The following CFAP299 variants were observed in gnomAD, a reference collection of about 807,000 sequenced individuals.
The protein encoded by CFAP299 is cilia and flagella associated protein 299, also known as cilia- and flagella-associated protein 299.
Under a neutral mutation model 27.0 loss-of-function variants are expected in CFAP299, and 21 were observed. The observed-to-expected ratio is 0.78, with a 90% CI of 0.55 to 1.12. CFAP299 has a LOEUF of 1.12. Ranked by LOEUF, CFAP299 falls within the 50% of genes most tolerant of loss-of-function variation. The pLI is 0.00. For synonymous variants in CFAP299, 104 were observed against 98.1 expected, an observed-to-expected ratio of 1.06 and a Z score of -0.36; for missense variants, 310 against 276.6, an observed-to-expected ratio of 1.12 and a Z score of -0.86.
Position 80,664,777 on chromosome 4 carries a change from G to GA in CFAP299, c.333+81602dup, listed in dbSNP as rs1306509158. Among the ~76,000 whole-genome samples, 8 of 151,950 alleles carry GA rather than the reference G, an allele frequency of 5.3e-5. No individual in the cohort carries two copies. The South Asian group carries it at 8.3e-4, about 16-fold the overall frequency. ...GGTGTTCTAGGCACCACTGGGGTAT[G>GA]AAAAAAAACTCCTGCAGCTAGCTCT... is the stretch of plus-strand genomic sequence containing the variant. On this transcript the variant is annotated intron_variant, in intron 3 of 5. Coordinates refer to ENST00000358105, the MANE Select transcript of CFAP299 (RefSeq NM_152770.3).
chr4:80,695,195 T>C (rs532918599), intron 3 of CFAP299, among the ~76,000 whole-genome samples: 1 of 152,344 alleles, frequency 6.6e-6, no homozygotes, highest in South Asian at 2.1e-4. Flanking sequence ...AAAGATTTGA[T>C]ACTTTGTTAA....
At chr4:80,646,988 A>T (rs10008935) in intron 3 of CFAP299, among the ~76,000 whole-genome samples, 9,987 of 30,994 alleles carry the variant, frequency 0.32, 632 homozygotes, top group African/African-American at 0.39. Context: ...AGAGAGAGAG[A>T]GTGTGTGTGT....
At chr4:80,921,685 GGTTAAATCTGTGT>G (rs1736053604) in intron 4 of CFAP299, among the ~76,000 whole-genome samples, 1 of 151,984 alleles carries the variant, frequency 6.6e-6, no homozygotes, top group Non-Finnish European at 1.5e-5. Flanking sequence ...GAGATAATCT[GGTTAAATCTGTGT>G]GTGCAAAACA....
chr4:80,958,982 C>A (rs533901656), intron 5 of CFAP299, among the ~76,000 whole-genome samples: 169 of 152,276 alleles, frequency 1.1e-3, no homozygotes, highest in African/African-American at 3.9e-3. Flanking sequence ...GACCTAAAAT[C>A]ACTGTTGTGG....
chr4:80,593,930 G>A (rs1334649804), intron 3 of CFAP299, among the ~76,000 whole-genome samples: 1 of 150,218 alleles, frequency 6.7e-6, no homozygotes, highest in African/African-American at 2.5e-5. Context: ...CTCCCTTTTA[G>A]TTTATTTTAA....
At chr4:80,899,654 A>G (rs990140301) in intron 4 of CFAP299, among the ~76,000 whole-genome samples, 1 of 152,176 alleles carries the variant, frequency 6.6e-6, no homozygotes, top group Admixed American at 6.5e-5. Flanking sequence ...CTAGGGAATA[A>G]AAGAGAATGT....
intron 3 of CFAP299, among the ~76,000 whole-genome samples, chr4:80,676,205 T>A (rs11728658): frequency 0.05 from 7,656 of 152,270 alleles, 671 homozygotes; most frequent in African/African-American, 0.17. Context: ...TAGCATCTAA[T>A]GAAATTATCA....
At chr4:80,694,337 A>C (rs1263007037) in intron 3 of CFAP299, among the ~76,000 whole-genome samples, 1 of 152,160 alleles carries the variant, frequency 6.6e-6, no homozygotes, top group Non-Finnish European at 1.5e-5. Context: ...ATGCCACCTG[A>C]CTGAGAGTGG....
chr4:80,612,242 C>A (rs533781148), intron 3 of CFAP299, among the ~76,000 whole-genome samples: 9 of 151,918 alleles, frequency 5.9e-5, no homozygotes, highest in Non-Finnish European at 1.2e-4. Context: ...TTTCTTATCT[C>A]CTTCCTCTTC....
At chr4:80,701,963 C>A (rs1304613823) in intron 3 of CFAP299, among the ~76,000 whole-genome samples, 7 of 151,896 alleles carry the variant, frequency 4.6e-5, no homozygotes, top group African/African-American at 1.7e-4. Context: ...AGGTTTTATT[C>A]CCCAGAGATT....
chr4:80,884,818 C>T (rs948000810), intron 4 of CFAP299, among the ~76,000 whole-genome samples: 1 of 152,232 alleles, frequency 6.6e-6, no homozygotes, highest in East Asian at 1.9e-4. Context: ...CCCCCATTCA[C>T]TGGAACACCA....
At chr4:80,659,467 C>T (rs1740724787) in intron 3 of CFAP299, among the ~76,000 whole-genome samples, 1 of 151,886 alleles carries the variant, frequency 6.6e-6, no homozygotes, top group Non-Finnish European at 1.5e-5. Flanking sequence ...AAGAATAACT[C>T]ACTTGAAATA....
Position 80,724,306 on chromosome 4 carries a change from T to C in CFAP299, c.333+141123T>C, listed in dbSNP as rs1578060837. ...CATGTGTCAGAAGCAAACTGGGCAA[T>C]TGGGATTTCTTCCAATTAACTTCCA... is the stretch of plus-strand genomic sequence containing the variant. On this transcript the variant is annotated intron_variant, in intron 3 of 5. Transcript: ENST00000358105. Among the ~76,000 whole-genome samples the C allele has an allele frequency of 9.9e-5, 15 of 152,252 alleles. 1 individual carries two copies. The South Asian group carries it at 3.1e-3, about 32-fold the overall frequency.
intron 3 of CFAP299, among the ~76,000 whole-genome samples, chr4:80,843,842 T>TG (rs1196949458): frequency 6.6e-6 from 1 of 152,140 alleles, no homozygotes; most frequent in Non-Finnish European, 1.5e-5. Flanking sequence ...ACATGTGCCA[T>TG]GTTGGTGCGC....
intron 3 of CFAP299, among the ~76,000 whole-genome samples, chr4:80,843,429 A>G (rs934280168): frequency 1.3e-5 from 2 of 152,110 alleles, no homozygotes; most frequent in Non-Finnish European, 2.9e-5. Context: ...TTAAGGCTGC[A>G]TAGTATTCCG....
At chr4:80,566,652 G>C (rs552889151) in intron 2 of CFAP299, among the ~76,000 whole-genome samples, 2 of 152,102 alleles carry the variant, frequency 1.3e-5, no homozygotes, top group Non-Finnish European at 2.9e-5. Context: ...GATGGAGAGG[G>C]ACCTGGAGGC....
At chr4:80,826,454 G>A (rs1377329814) in intron 3 of CFAP299, among the ~76,000 whole-genome samples, 1 of 151,488 alleles carries the variant, frequency 6.6e-6, no homozygotes, top group Non-Finnish European at 1.5e-5. Context: ...ATCAAAAAAG[G>A]TTATGAGGAA....
chr4:80,749,678 G>A (rs927867210), intron 3 of CFAP299, among the ~76,000 whole-genome samples: 2 of 152,184 alleles, frequency 1.3e-5, no homozygotes, highest in Non-Finnish European at 2.9e-5. Flanking sequence ...AGAGTCTGAC[G>A]TTTGAGGGCA....
rs1734742452 is a variant in CFAP299, at chr4:80,555,602, A to C, written c.243-27491A>C. On this transcript the variant is annotated intron_variant, in intron 2 of 5. Transcript: ENST00000358105. ...AGAACTTATTTATACACCTGGTAGA[A>C]TTTGGCTGTAAGTCCATCAGTTCCT... Among the ~76,000 whole-genome samples, 6 of 152,164 alleles carry C rather than the reference A, an allele frequency of 3.9e-5. No homozygotes were observed. The South Asian group carries it at 1.2e-3, about 32-fold the overall frequency.
Sources: gnomAD v4.1 joint callset for allele counts (sites outside exome capture counted in the v4.1 genomes callset) on GRCh38, gnomAD v4.1.1 for gene constraint, MANE v1.5 for transcripts, NCBI Gene and HGNC (gene_info 2026-07-23, HGNC 2026-07-21) for gene names.